Variants in DOCK3 observed in about 807,000 individuals in gnomAD.
DOCK3 encodes dedicator of cytokinesis protein 3.
A neutral mutation model predicts 265.6 loss-of-function variants in DOCK3; 60 were observed. The observed-to-expected ratio is 0.23, with a 90% confidence interval of 0.18 to 0.28. The LOEUF (loss-of-function observed/expected upper bound fraction) is 0.28. Among genes scored for constraint, DOCK3 ranks in the 10% least tolerant of loss-of-function variants. The probability of loss-of-function intolerance (pLI) is 1.00; values close to 1 mark genes in which losing one functional copy is unlikely to be tolerated. For synonymous variants in DOCK3, 881 were observed against 938.0 expected, an observed-to-expected ratio of 0.94 and a Z score of 1.11; for missense variants, 1,981 against 2,594.3, an observed-to-expected ratio of 0.76 and a Z score of 5.14.
intron 1 of DOCK3, among the ~76,000 whole-genome samples, chr3:50,732,682 A>G (rs985571736): frequency 6.6e-6 from 1 of 152,172 alleles, no homozygotes; most frequent in Non-Finnish European, 1.5e-5. Context: ...AAGTGTTGGG[A>G]TTACAGGTGT....
chr3:50,877,217 G>T, intron 3 of DOCK3: 1 of 308,032 alleles, frequency 3.2e-6, no homozygotes. Context: ...CTCCCTCTGA[G>T]CTCTCTCATG....
intron 3 of DOCK3, among the ~76,000 whole-genome samples, chr3:50,860,341 G>A (rs2107495663): frequency 1.3e-5 from 2 of 152,314 alleles, no homozygotes; most frequent in Middle Eastern, 3.4e-3. Context: ...CTCTGCTTAG[G>A]GAGTTGCTGA....
intron 7 of DOCK3, among the ~76,000 whole-genome samples, chr3:51,087,093 G>A (rs918865405): frequency 1.3e-5 from 2 of 152,114 alleles, no homozygotes; most frequent in African/African-American, 2.4e-5. Flanking sequence ...CCAAAAAATT[G>A]AGGCAGAGAG....
At chr3:51,160,739 G>A in intron 12 of DOCK3, 37 bp downstream of exon 12, 2 of 1,599,402 alleles carry the variant, frequency 1.3e-6, no homozygotes, top group Middle Eastern at 2.1e-4. Flanking sequence ...ATGATTTGTA[G>A]CATAAGACAT....
At chr3:50,776,388 T>C (rs1312571477) in intron 1 of DOCK3, among the ~76,000 whole-genome samples, 1 of 152,194 alleles carries the variant, frequency 6.6e-6, no homozygotes, top group African/African-American at 2.4e-5. Flanking sequence ...GTATCTTCTT[T>C]TGAGAATTGC....
chr3:51,282,294 C>T (rs2081165458), intron 27 of DOCK3, among the ~76,000 whole-genome samples: 1 of 152,068 alleles, frequency 6.6e-6, no homozygotes, highest in Non-Finnish European at 1.5e-5. Flanking sequence ...TTTAATGCTT[C>T]TGATTATATC....
chr3:51,330,751 C>T (rs2084464557), intron 33 of DOCK3, among the ~76,000 whole-genome samples: 2 of 152,238 alleles, frequency 1.3e-5, no homozygotes, highest in Non-Finnish European at 2.9e-5. Flanking sequence ...ATCCTCCATT[C>T]CATGGTTTCT....
intron 32 of DOCK3, among the ~76,000 whole-genome samples, chr3:51,323,042 G>T (rs905672021): frequency 6.6e-6 from 1 of 151,584 alleles, no homozygotes; most frequent in Non-Finnish European, 1.5e-5. Flanking sequence ...AAGACCAAAA[G>T]AGACAAAGAA....
intron 2 of DOCK3, among the ~76,000 whole-genome samples, chr3:50,805,938 G>A (rs957667755): frequency 9.2e-5 from 14 of 152,092 alleles, no homozygotes; most frequent in African/African-American, 2.7e-4. Flanking sequence ...TGCCTGGCCT[G>A]GGGGAATATG....
chr3:51,249,629 G>A (rs1469705995), intron 22 of DOCK3, among the ~76,000 whole-genome samples: 19 of 65,050 alleles, frequency 2.9e-4, no homozygotes, highest in South Asian at 6.5e-4. Context: ...CCGGCCAGCC[G>A]TCCCGTCCGG....
intron 22 of DOCK3, among the ~76,000 whole-genome samples, chr3:51,249,233 T>C (rs375776194): frequency 0.086 from 9,165 of 105,970 alleles, 907 homozygotes; most frequent in East Asian, 0.33. Flanking sequence ...CCAGCCGCCC[T>C]GTCCGGGAGG....
intron 10 of DOCK3, among the ~76,000 whole-genome samples, chr3:51,151,736 A>G (rs2085609649): frequency 6.6e-6 from 1 of 152,062 alleles, no homozygotes; most frequent in African/African-American, 2.4e-5. Flanking sequence ...AAAGGATTTT[A>G]TTTCTCCTTC....
intron 2 of DOCK3, among the ~76,000 whole-genome samples, chr3:50,795,145 T>G (rs922248248): frequency 2.6e-5 from 4 of 152,162 alleles, no homozygotes; most frequent in Non-Finnish European, 5.9e-5. Flanking sequence ...TGATCTTTCA[T>G]TCTAGCTACC....
intron 5 of DOCK3, among the ~76,000 whole-genome samples, chr3:50,937,361 A>G (rs992504261): frequency 1.3e-5 from 2 of 151,614 alleles, no homozygotes; most frequent in African/African-American, 4.8e-5. Context: ...CATTTTAAGT[A>G]TTAAAACATT....
chr3:51,064,353 A>G (rs1378085389), intron 5 of DOCK3, 95 bp from the exon 6 acceptor site: 4 of 1,491,478 alleles, frequency 2.7e-6, no homozygotes, highest in Non-Finnish European at 3.7e-6. Context: ...GTTCAGAGAA[A>G]TGAGCACTTT....
At position 50,778,655 on chromosome 3, in the gene DOCK3, G is replaced by A; in HGVS notation, c.38-20G>A. ...AGTGTTTAAAAATGCTAATTGGTGT[G>A]TTTATCCTTGCTTTTCTAGTGATAT... is the stretch of plus-strand genomic sequence containing the variant. On this transcript the variant is annotated intron_variant, in intron 1 of 52. Coordinates refer to ENST00000266037, the MANE Select transcript of DOCK3 (RefSeq NM_004947.5). The A allele has an allele frequency of 1.3e-6, 2 of 1,561,182 alleles. No homozygotes were observed. The highest frequency in any genetic ancestry group is 1.7e-6 in the Non-Finnish European group (2 of 1,149,008).
intron 32 of DOCK3, among the ~76,000 whole-genome samples, chr3:51,323,754 CTAACA>C (rs919730132): frequency 6.6e-6 from 1 of 152,100 alleles, no homozygotes; most frequent in Non-Finnish European, 1.5e-5. Context: ...AATTGACACT[CTAACA>C]TCACAATTAA....
chr3:51,118,682 T>A (rs940051003), intron 9 of DOCK3, among the ~76,000 whole-genome samples: 1 of 152,248 alleles, frequency 6.6e-6, no homozygotes, highest in African/African-American at 2.4e-5. Flanking sequence ...TTACCTCTTC[T>A]TGTTGCATTG....
At chr3:50,987,646 C>G (rs1219728445) in intron 5 of DOCK3, among the ~76,000 whole-genome samples, 2 of 152,112 alleles carry the variant, frequency 1.3e-5, no homozygotes, top group African/African-American at 4.8e-5. Flanking sequence ...CTGAAACATC[C>G]AGGTACTCAC....
Sources: allele counts gnomAD v4.1 joint callset (sites outside exome capture counted in the v4.1 genomes callset), GRCh38; gene constraint gnomAD v4.1.1; transcripts MANE v1.5; gene names NCBI Gene and HGNC (gene_info 2026-07-23, HGNC 2026-07-21).